Variants in CATSPERE observed in about 807,000 individuals in gnomAD.
CATSPERE encodes catsper channel auxiliary subunit epsilon, also known as cation channel sperm-associated auxiliary subunit epsilon.
Under a neutral mutation model 114.1 loss-of-function variants are expected in CATSPERE, and 93 were observed. That is an observed-to-expected ratio of 0.81 (90% confidence interval 0.69 to 0.97). The LOEUF (loss-of-function observed/expected upper bound fraction) is 0.97, where lower values mean the gene tolerates loss of function less well. Among genes scored for constraint, CATSPERE ranks in the 50% least tolerant of loss-of-function variants. The pLI is 0.00. For missense variants in CATSPERE, 1,058 were observed against 1,131.6 expected (o/e 0.93, Z 0.93); for synonymous variants, 341 against 384.1 (o/e 0.89, Z 1.31).
upstream of CATSPERE, chr1:244,452,146 G>A (rs959389244): frequency 2.8e-5 from 6 of 211,022 alleles, no homozygotes; most frequent in African/African-American, 1.4e-4. Flanking sequence ...CAAACCTCGC[G>A]AGCGGAAAAG....
intron 11 of CATSPERE, among the ~76,000 whole-genome samples, chr1:244,577,879 AAAGGCATATTTTC>A (rs1309984092): frequency 1.3e-5 from 2 of 152,228 alleles, no homozygotes; most frequent in African/African-American, 4.8e-5. Context: ...CAAAGATACC[AAAGGCATATTTTC>A]AAGGATACAA....
At chr1:244,547,794 A>T (rs1248193557) in intron 8 of CATSPERE, among the ~76,000 whole-genome samples, 1 of 151,750 alleles carries the variant, frequency 6.6e-6, no homozygotes, top group Non-Finnish European at 1.5e-5. Flanking sequence ...ACTAAAAAAC[A>T]ATTTTAAAAT....
chr1:244,633,501 C>A lies in CATSPERE; in HGVS notation c.2649-1988C>A, dbSNP rs1674228270. On this transcript the variant is annotated intron_variant, in intron 20 of 21. Transcript: ENST00000366534. The surrounding 1 kb of genome is among the most constrained non-coding windows in gnomAD (Gnocchi z 4.1). Reference sequence around the variant, plus strand: ...ATCTAATCTATTCCAAATCACTTTACAAACTGCTATTGAATTAAATTCAAA... The same window carrying A: ...ATCTAATCTATTCCAAATCACTTTAAAAACTGCTATTGAATTAAATTCAAA... 6.6e-6 allele frequency among the ~76,000 whole-genome samples: 1 copy of A among 152,128 alleles called. No homozygotes were observed. The highest frequency in any genetic ancestry group is 1.5e-5 in the Non-Finnish European group (1 of 68,038).
intron 6 of CATSPERE, among the ~76,000 whole-genome samples, chr1:244,497,245 G>A (rs3006024): frequency 0.33 from 50,314 of 151,868 alleles, 9,910 homozygotes; most frequent in African/African-American, 0.56. Context: ...CCATAAAGCT[G>A]GAAGATAAGT....
chr1:244,606,168 C>G lies in CATSPERE; in HGVS notation c.2403+374C>G, dbSNP rs1216148438. 3.9e-5 allele frequency among the ~76,000 whole-genome samples: 6 copies of G among 152,256 alleles called. No homozygotes were observed. The East Asian group carries it at 1.2e-3, about 29-fold the overall frequency. On this transcript the variant is annotated intron_variant, in intron 18 of 21. Transcript: ENST00000366534. ...CTGGGCTTCGTCTCACTTGACTTCC[C>G]TGCATCATTTGACCCTGCTGACTTT...
At chr1:244,524,631 C>T (rs970102271) in intron 8 of CATSPERE, among the ~76,000 whole-genome samples, 21 of 151,614 alleles carry the variant, frequency 1.4e-4, no homozygotes, top group Admixed American at 6.6e-5. Context: ...TGAACTCAAA[C>T]AAATTTACAA....
chr1:244,494,625 G>A lies in CATSPERE; in HGVS notation c.351+4154G>A, dbSNP rs369387102. Among the ~76,000 whole-genome samples, 44 of 151,810 alleles carry A rather than the reference G, an allele frequency of 2.9e-4. 1 individual carries two copies. Among genetic ancestry groups the A allele is most frequent in the Middle Eastern group, 6.8e-3 (2 of 292 alleles). On this transcript the variant is annotated intron_variant, in intron 6 of 21. Coordinates refer to ENST00000366534, the MANE Select transcript of CATSPERE (RefSeq NM_001130957.2). ...AATAAAAAAAAAAAGTATGAAGGGG[G>A]TCCTAAGATCAAAAAGTTTTAAAAT...
chr1:244,619,783 A>T (rs61704756), intron 20 of CATSPERE, among the ~76,000 whole-genome samples: 145 of 152,316 alleles, frequency 9.5e-4, no homozygotes, highest in African/African-American at 3.4e-3. Flanking sequence ...AATGGGATTT[A>T]AAAAATGACA....
intron 19 of CATSPERE, among the ~76,000 whole-genome samples, chr1:244,614,615 T>C (rs572693384): frequency 1.3e-5 from 2 of 152,276 alleles, no homozygotes; most frequent in East Asian, 3.9e-4. Context: ...TGCTGTTTCA[T>C]ATCACAGTAT....
At chr1:244,619,703 GC>G (rs1421612840) in intron 20 of CATSPERE, among the ~76,000 whole-genome samples, 1 of 152,186 alleles carries the variant, frequency 6.6e-6, no homozygotes, top group Non-Finnish European at 1.5e-5. Context: ...CACGTATTAT[GC>G]CTAATTCTCA....
At chr1:244,635,813 T>G (rs189130704) in intron 21 of CATSPERE, among the ~76,000 whole-genome samples, 1 of 152,244 alleles carries the variant, frequency 6.6e-6, no homozygotes, top group East Asian at 1.9e-4. Flanking sequence ...TGGGGGGCTA[T>G]GAAATCTATC....
chr1:244,509,849 A>G (rs1056446791), intron 7 of CATSPERE, among the ~76,000 whole-genome samples: 3 of 152,066 alleles, frequency 2.0e-5, no homozygotes, highest in African/African-American at 4.8e-5. Flanking sequence ...TTTAGGTTTC[A>G]CAATTTGTTA....
intron 5 of CATSPERE, among the ~76,000 whole-genome samples, chr1:244,484,876 A>G (rs1021861057): frequency 6.6e-6 from 1 of 152,194 alleles, no homozygotes; most frequent in Non-Finnish European, 1.5e-5. Flanking sequence ...TCTTTATTTT[A>G]TCCTCACTCT....
intron 14 of CATSPERE, among the ~76,000 whole-genome samples, chr1:244,590,955 A>G (rs932625975): frequency 6.6e-6 from 1 of 152,208 alleles, no homozygotes; most frequent in African/African-American, 2.4e-5. Context: ...GTATCTACCT[A>G]GGAGTGGAAT....
chr1:244,482,995 A>C (rs3003309), intron 5 of CATSPERE, among the ~76,000 whole-genome samples: 99,710 of 152,002 alleles, frequency 0.66, 33,284 homozygotes, highest in African/African-American at 0.77. Flanking sequence ...TGAGACTTAC[A>C]CATGTTTAAA....
intron 2 of CATSPERE, among the ~76,000 whole-genome samples, chr1:244,472,031 T>C (rs1473050478): frequency 6.6e-6 from 1 of 152,210 alleles, no homozygotes; most frequent in Non-Finnish European, 1.5e-5. Context: ...CGATCATGGC[T>C]CACTGCAACC....
At chr1:244,464,477 T>C (rs1166164511) in intron 2 of CATSPERE, among the ~76,000 whole-genome samples, 1 of 152,216 alleles carries the variant, frequency 6.6e-6, no homozygotes, top group Non-Finnish European at 1.5e-5. Flanking sequence ...CTGGAATGAG[T>C]GTCCTCTATA....
At chr1:244,491,303 G>A (rs533890469) in intron 6 of CATSPERE, among the ~76,000 whole-genome samples, 35 of 152,068 alleles carry the variant, frequency 2.3e-4, no homozygotes, top group African/African-American at 3.9e-4. Flanking sequence ...ACTCAAAACC[G>A]CTAACTACAT....
At chr1:244,453,898 G>C (rs1171127706), upstream of CATSPERE, among the ~76,000 whole-genome samples, 1 of 152,094 alleles carries the variant, frequency 6.6e-6, no homozygotes, top group African/African-American at 2.4e-5. Flanking sequence ...GTCTCATTTG[G>C]CTCTTTCTAA....
Sources: allele counts gnomAD v4.1 joint callset (sites outside exome capture counted in the v4.1 genomes callset), GRCh38; gene constraint gnomAD v4.1.1; non-coding constraint Gnocchi (gnomAD v3.1); transcripts MANE v1.5; gene names NCBI Gene and HGNC (gene_info 2026-07-23, HGNC 2026-07-21).